Variants in CUL2 observed in about 807,000 individuals in gnomAD.
CUL2 encodes the protein cullin 2.
In CUL2, 22 loss-of-function variants were observed where a neutral mutation model predicts 110.2. The ratio of observed to expected loss-of-function variants is 0.20; its 90% CI spans 0.14 to 0.28. The LOEUF (loss-of-function observed/expected upper bound fraction) is 0.28, where lower values mean the gene tolerates loss of function less well. Among genes scored for constraint, CUL2 ranks in the 10% least tolerant of loss-of-function variants. CUL2 has a pLI of 1.00. For synonymous variants in CUL2, 279 were observed against 293.2 expected, an observed-to-expected ratio of 0.95 and a Z score of 0.49; for missense variants, 631 against 905.5, an observed-to-expected ratio of 0.70 and a Z score of 3.89.
At position 35,010,236 on chromosome 10, in the gene CUL2, C is replaced by G. The variant is rs2084865330; in HGVS notation, c.*75G>C. ...AATGACCAAATTATGGAGGCACAGTCCTGCTTTTTCCCACAGGAACACACC... is the reference window on the plus strand; with the variant it reads ...AATGACCAAATTATGGAGGCACAGTGCTGCTTTTTCCCACAGGAACACACC... On this transcript the variant is annotated 3_prime_UTR_variant, in exon 21 of 21. Transcript: ENST00000374749. 7.0e-7 allele frequency: 1 copy of G among 1,437,850 alleles called. No homozygotes were observed. Among genetic ancestry groups the G allele is most frequent in the Admixed American group, 2.4e-5 (1 of 42,488 alleles). 89.1% of individuals were successfully genotyped at this position (1,437,850 alleles called of 1,614,324 possible).
At chr10:35,086,240 T>C (rs1046574427) in intron 1 of CUL2, among the ~76,000 whole-genome samples, 1 of 151,454 alleles carries the variant, frequency 6.6e-6, no homozygotes, top group African/African-American at 2.4e-5. Flanking sequence ...ATCACGCCTG[T>C]AATCCTAACA....
chr10:35,083,993 G>A (rs2087001348), intron 1 of CUL2, among the ~76,000 whole-genome samples: 1 of 152,120 alleles, frequency 6.6e-6, no homozygotes, highest in Non-Finnish European at 1.5e-5. Flanking sequence ...CTATATAAAA[G>A]AGGCCAGGCA....
chr10:35,125,680 T>C (rs1326617818), intron 1 of CUL2, among the ~76,000 whole-genome samples: 2 of 152,246 alleles, frequency 1.3e-5, no homozygotes, highest in Non-Finnish European at 2.9e-5. Flanking sequence ...ATCAATATTA[T>C]AACGAAATGA....
chr10:35,038,975 G>A lies in CUL2; in HGVS notation c.822C>T (p.His274=). 5 of 1,609,218 alleles carry A rather than the reference G, an allele frequency of 3.1e-6. No homozygotes were observed. The highest frequency in any genetic ancestry group is 4.2e-6 in the Non-Finnish European group (5 of 1,177,392). ...HECQQRMVAD[H]LQFLHAECHN... The stretch of plus-strand genomic sequence containing the variant: ...GACATTCTGCATGTAAAAACTGTAA[G>A]TGGTCTGCTACCATTCGTTGTTGAC... Residue 274 remains histidine (H), a synonymous_variant, in exon 9 of 21, where the codon CAC becomes CAT. Transcript: ENST00000374749.
At chr10:35,098,934 G>A (rs369237704) in intron 2 of CUL2, among the ~76,000 whole-genome samples, 8 of 151,898 alleles carry the variant, frequency 5.3e-5, no homozygotes, top group South Asian at 4.2e-4. Flanking sequence ...ACTCTGTCTC[G>A]AAATAAATAA....
At chr10:35,045,202 G>A (rs948263944) in intron 6 of CUL2, among the ~76,000 whole-genome samples, 6 of 152,048 alleles carry the variant, frequency 3.9e-5, no homozygotes, top group African/African-American at 9.7e-5. Context: ...TAATACTGGC[G>A]GTTAAGAATG....
At chr10:35,072,369 G>T (rs1301344888) in intron 1 of CUL2, among the ~76,000 whole-genome samples, 1 of 147,554 alleles carries the variant, frequency 6.8e-6, no homozygotes, top group Non-Finnish European at 1.5e-5. Flanking sequence ...TGAACTTAAT[G>T]GGCTTTTTTT....
At chr10:35,014,731 G>C (rs1253479386) in intron 18 of CUL2, among the ~76,000 whole-genome samples, 1 of 152,068 alleles carries the variant, frequency 6.6e-6, no homozygotes, top group East Asian at 1.9e-4. Context: ...TACTTGGAAG[G>C]CTGAGGCAGG....
chr10:35,053,000 A>G (rs941364778), intron 5 of CUL2, among the ~76,000 whole-genome samples: 2 of 152,208 alleles, frequency 1.3e-5, no homozygotes, highest in Non-Finnish European at 2.9e-5. Context: ...GTAAAAAGAC[A>G]GACAGTAACA....
chr10:35,046,410 AT>A (rs1220093977), intron 6 of CUL2, among the ~76,000 whole-genome samples: 1 of 152,222 alleles, frequency 6.6e-6, no homozygotes, highest in African/African-American at 2.4e-5. Context: ...AAACATCTAC[AT>A]ATGTGTACAA....
intron 2 of CUL2, 77 bp from the exon 3 acceptor site, chr10:35,063,139 A>T: frequency 1.2e-6 from 1 of 818,524 alleles, no homozygotes; most frequent in Non-Finnish European, 2.0e-6. Flanking sequence ...GTTTGGCATT[A>T]AAAAATGAAA....
chr10:35,035,388 A>G (rs1215062147), intron 9 of CUL2, 92 bp from the exon 10 acceptor site: 1 of 1,394,116 alleles, frequency 7.2e-7, no homozygotes, highest in Non-Finnish European at 9.9e-7. Flanking sequence ...CAATATACGG[A>G]TCCAAGTGCA....
In CUL2 at chr10:35,013,769, A is replaced by G; in HGVS notation, c.1919T>C (p.Leu640Ser). Residue 640 changes from leucine (L) to serine (S), a missense_variant, in exon 19 of 21, where the codon TTA becomes TCA. By Grantham distance (145) the Leu-to-Ser change is moderately radical (BLOSUM62 -2). Coordinates refer to ENST00000374749, the MANE Select transcript of CUL2 (RefSeq NM_003591.4). ...EDIDAESSFS[L>S]NMNFSSKRTK... ...TCTTTTACTGCTAAAGTTCATATTT[A>G]ATGAAAACGAAGATTCTGCATCAAT... 1 of 1,552,234 alleles carries G rather than the reference A, an allele frequency of 6.4e-7. No individual in the cohort carries two copies. The highest frequency in any genetic ancestry group is 8.8e-7 in the Non-Finnish European group (1 of 1,141,042).
intron 1 of CUL2, among the ~76,000 whole-genome samples, chr10:35,087,453 A>G (rs1010057042): frequency 2.0e-5 from 3 of 152,232 alleles, no homozygotes; most frequent in African/African-American, 4.8e-5. Flanking sequence ...GTGCTTGAGA[A>G]GCCCTCGTTG....
At position 35,009,201 on chromosome 10, in the gene CUL2, TTATATATA is replaced by T. The variant is rs58058299; in HGVS notation, c.*1102_*1109del. 3.8e-4 allele frequency: 52 copies of T among 137,896 alleles called. No homozygotes were observed. The highest frequency in any genetic ancestry group is 6.8e-4 in the Non-Finnish European group (44 of 65,058). 8.5% of individuals were successfully genotyped at this position (137,896 alleles called of 1,614,324 possible). A position where few individuals can be genotyped will look rare whatever the true frequency, so the allele number is the denominator to read the frequency against. ...CTGTTGAGATATATATATATATATA[TTATATATA>T]TATATATATATAAAATAAACAAAAT... On this transcript the variant is annotated 3_prime_UTR_variant, in exon 21 of 21. Coordinates refer to ENST00000374749, the MANE Select transcript of CUL2 (RefSeq NM_003591.4).
At chr10:35,015,088 C>T (rs1366245799) in intron 18 of CUL2, among the ~76,000 whole-genome samples, 1 of 151,802 alleles carries the variant, frequency 6.6e-6, no homozygotes, top group Non-Finnish European at 1.5e-5. Context: ...AGTTCGAGAC[C>T]AGCCTGACCA....
At chr10:35,078,121 T>A (rs1043949951) in intron 1 of CUL2, among the ~76,000 whole-genome samples, 2 of 152,136 alleles carry the variant, frequency 1.3e-5, no homozygotes, top group Non-Finnish European at 2.9e-5. Flanking sequence ...CTTCTGAGAA[T>A]CTTAACTTTC....
At chr10:35,082,341 GT>G (rs1185483057) in intron 1 of CUL2, among the ~76,000 whole-genome samples, 3 of 152,172 alleles carry the variant, frequency 2.0e-5, no homozygotes, top group Admixed American at 2.0e-4. Context: ...AAGTATGTAT[GT>G]GGGCAAATTC....
chr10:35,027,143 CT>C (rs35508150), intron 16 of CUL2, among the ~76,000 whole-genome samples: 31,677 of 127,344 alleles, frequency 0.25, 2,654 homozygotes, highest in South Asian at 0.29. Flanking sequence ...ACTTTAGATA[CT>C]TTTTTTTTTT....
Sources: gnomAD v4.1 joint callset for allele counts (sites outside exome capture counted in the v4.1 genomes callset) on GRCh38, gnomAD v4.1.1 for gene constraint, MANE v1.5 for transcripts, NCBI Gene and HGNC (gene_info 2026-07-23, HGNC 2026-07-21) for gene names.